PIM3: variants seen among roughly 807,000 people sequenced by gnomAD.
PIM3 encodes the protein Pim-3 proto-oncogene, serine/threonine kinase.
PIM3 carries 13 observed loss-of-function variants against 27.5 expected under a neutral mutation model. That is an observed-to-expected ratio of 0.47 (90% CI 0.31 to 0.75). The LOEUF (loss-of-function observed/expected upper bound fraction) is 0.75. Among genes scored for constraint, PIM3 ranks in the 30% least tolerant of loss-of-function variants. The pLI is 0.05. For missense variants in PIM3, 482 were observed against 476.9 expected (o/e 1.01, Z -0.10); for synonymous variants, 341 against 221.1 (o/e 1.54, Z -4.81).
chr22:49,961,804 C>T lies in PIM3; in HGVS notation c.609C>T (p.Asp203=). ...GALLKDTVYT[D]FDGTRVYSPP... Reference sequence around the variant, plus strand: ...TGCTCAAGGACACGGTCTACACCGACTTCGACGGTGAGCGCGGGCGCGGGG... The same window carrying T: ...TGCTCAAGGACACGGTCTACACCGATTTCGACGGTGAGCGCGGGCGCGGGG... Residue 203 remains aspartate (D), a synonymous_variant, in exon 4 of 6, where the codon GAC becomes GAT. Transcript: ENST00000360612. 2 of 1,609,428 alleles carry T rather than the reference C, an allele frequency of 1.2e-6. No homozygotes were observed. The highest frequency in any genetic ancestry group is 1.7e-6 in the Non-Finnish European group (2 of 1,178,368).
chr22:49,963,183 GC>G lies in PIM3; in HGVS notation c.*61del, dbSNP rs2060918453. 2.0e-6 allele frequency: 3 copies of G among 1,464,454 alleles called. No individual in the cohort carries two copies. The highest frequency in any genetic ancestry group is 9.1e-7 in the Non-Finnish European group (1 of 1,101,560). The allele number at this position is 1,464,454 out of a possible 1,614,324, so 90.7% of individuals were successfully genotyped here. A position where few individuals can be genotyped will look rare whatever the true frequency, so the allele number is the denominator to read the frequency against. On this transcript the variant is annotated 3_prime_UTR_variant, in exon 6 of 6. Coordinates refer to ENST00000360612, the MANE Select transcript of PIM3 (RefSeq NM_001001852.4). ...CACCTGCCTTGGCCAGACCTGGGAC[GC>G]CCCCAGACCCTGACTTTCTCCTGCG...
rs149755625 is a variant in PIM3, at chr22:49,962,784, A to T, written c.712A>T (p.Met238Leu). 358 of 1,612,636 alleles carry T rather than the reference A, an allele frequency of 2.2e-4. 3 individuals are homozygous for T. In the African/African-American group the frequency reaches 4.0e-3, roughly 18 times the overall value. ...GTCGCTGGGCGTGCTTCTCTACGAT[A>T]TGGTGTGTGGGGACATCCCCTTCGA... ...VWSLGVLLYD[M>L]VCGDIPFEQD... Residue 238 changes from methionine (M) to leucine (L), a missense_variant, in exon 5 of 6, where the codon ATG becomes TTG. Coordinates refer to ENST00000360612, the MANE Select transcript of PIM3 (RefSeq NM_001001852.4).
chr22:49,961,426 C>T lies in PIM3; in HGVS notation c.247-16C>T, dbSNP rs1162907563. On this transcript the variant is annotated splice_polypyrimidine_tract_variant and intron_variant, in intron 3 of 5. Coordinates refer to ENST00000360612, the MANE Select transcript of PIM3 (RefSeq NM_001001852.4). ...GGGGCGGGCGCGGGGCTTTTGCTGA[C>T]CGCCGTGTCCCCCAGGGCGGCGCGA... The T allele has an allele frequency of 8.5e-6, 12 of 1,413,536 alleles. No homozygotes were observed. Among genetic ancestry groups the T allele is most frequent in the African/African-American group, 1.5e-5 (1 of 65,962 alleles). 87.6% of individuals were successfully genotyped at this position (1,413,536 alleles called of 1,614,324 possible).
intron 4 of PIM3, 43 bp from the exon 5 acceptor site, chr22:49,962,646 C>T (rs1601871219): frequency 6.3e-7 from 1 of 1,577,632 alleles, no homozygotes; most frequent in South Asian, 1.2e-5. Flanking sequence ...TGTTGAGCGG[C>T]TCTGCCTCTG....
Position 49,963,823 on chromosome 22 carries a change from T to A in PIM3, c.*696T>A, listed in dbSNP as rs1286744249. On this transcript the variant is annotated 3_prime_UTR_variant, in exon 6 of 6. Transcript: ENST00000360612. ...TAGTGGCTAACTTAAGGGGAGTGGG[T>A]GACCCTGACACTTCCAGGCACTGTG... is the stretch of plus-strand genomic sequence containing the variant. 1 of 152,286 alleles carries A rather than the reference T, an allele frequency of 6.6e-6. No homozygotes were observed. Among genetic ancestry groups the A allele is most frequent in the Non-Finnish European group, 1.5e-5 (1 of 68,056 alleles). 9.4% of individuals were successfully genotyped at this position (152,286 alleles called of 1,614,324 possible). A position where few individuals can be genotyped will look rare whatever the true frequency, so the allele number is the denominator to read the frequency against.
In PIM3 at chr22:49,963,169, G is replaced by A. The variant is rs369326813; in HGVS notation, c.*42G>A. On this transcript the variant is annotated 3_prime_UTR_variant, in exon 6 of 6. Coordinates refer to ENST00000360612, the MANE Select transcript of PIM3 (RefSeq NM_001001852.4). ...GGGAGCTAGGGGACCACCTGCCTTG[G>A]CCAGACCTGGGACGCCCCCAGACCC... 1.2e-3 allele frequency: 1,759 copies of A among 1,506,488 alleles called. 2 individuals are homozygous for A. The highest frequency in any genetic ancestry group is 1.8e-3 in the Middle Eastern group (9 of 4,966). The allele number at this position is 1,506,488 out of a possible 1,614,324, so 93.3% of individuals were successfully genotyped here.
chr22:49,962,551 A>G (rs1278190536), intron 4 of PIM3, 138 bp from the exon 5 acceptor site: 39 of 925,122 alleles, frequency 4.2e-5, no homozygotes, highest in Non-Finnish European at 6.0e-5. Context: ...GGGTTTTTCC[A>G]GGGTGATGAC....
At chr22:49,962,283 C>G (rs1223535011) in intron 4 of PIM3, among the ~76,000 whole-genome samples, 1 of 151,708 alleles carries the variant, frequency 6.6e-6, no homozygotes, top group African/African-American at 2.4e-5. Context: ...CGGCAGAAAT[C>G]CCCGCATTGC....
chr22:49,962,321 C>T, intron 4 of PIM3, among the ~76,000 whole-genome samples: 1 of 147,010 alleles, frequency 6.8e-6, no homozygotes, highest in Non-Finnish European at 1.5e-5. Flanking sequence ...GGGCTCCCCG[C>T]CCGCCCCTCC....
intron 4 of PIM3, 85 bp downstream of exon 4, chr22:49,961,896 T>C: frequency 1.9e-6 from 3 of 1,554,276 alleles, no homozygotes; most frequent in Non-Finnish European, 2.6e-6. Context: ...GAGGGGCTGA[T>C]GACTGTTGGG....
At chr22:49,961,866 G>A (rs951684773) in intron 4 of PIM3, 55 bp downstream of exon 4, 3 of 1,592,818 alleles carry the variant, frequency 1.9e-6, no homozygotes, top group Admixed American at 3.5e-5. Flanking sequence ...GCGGGTTAAC[G>A]CCTGCAGGGG....
rs775149860 is a variant in PIM3 at position 49,961,737 on chromosome 22, G to C, written c.542G>C (p.Arg181Pro). ...GACGAAAATCTGCTTGTGGACCTGC[G>C]CTCCGGAGAGCTCAAGCTCATCGAC... ...IKDENLLVDLRSGELKLIDFG... is the reference protein window; with the variant it reads ...IKDENLLVDLPSGELKLIDFG... Residue 181 changes from arginine (R) to proline (P), a missense_variant, in exon 4 of 6, where the codon CGC (arginine) becomes CCC (proline). Physicochemically the swap from Arg to Pro is moderately radical, Grantham distance 103 (BLOSUM62 -2). Transcript: ENST00000360612. 6.2e-7 allele frequency: 1 copy of C among 1,611,300 alleles called. No individual in the cohort carries two copies. Among genetic ancestry groups the C allele is most frequent in the East Asian group, 2.2e-5 (1 of 44,742 alleles).
intron 1 of PIM3, 35 bp from the exon 2 acceptor site, chr22:49,961,090 C>T: frequency 2.1e-6 from 3 of 1,401,734 alleles, no homozygotes; most frequent in Non-Finnish European, 2.8e-6. Flanking sequence ...GGGGGCGCCC[C>T]GGGCCGCACC....
Position 49,962,990 on chromosome 22 carries a change from C to CCAGAG in PIM3, c.845_846insAGAGC (p.Ser283GlufsTer55). On this transcript the variant is annotated frameshift_variant, in exon 6 of 6. Coordinates refer to ENST00000360612, the MANE Select transcript of PIM3 (RefSeq NM_001001852.4). LOFTEE classifies it low-confidence loss of function (END_TRUNC). Reference sequence around the variant, plus strand: ...CCTGTCCCTGCGGCCCTCAGAGCGGCCGTCGCTGGATCAGATTGCGGCCCA... The same window carrying CCAGAG: ...CCTGTCCCTGCGGCCCTCAGAGCGGCCAGAGCGTCGCTGGATCAGATTGCGGCCCA... 4 of 1,610,964 alleles carry CCAGAG rather than the reference C, an allele frequency of 2.5e-6. No homozygotes were observed. The highest frequency in any genetic ancestry group is 3.4e-6 in the Non-Finnish European group (4 of 1,179,758).
At position 49,960,969 on chromosome 22, in the gene PIM3, T is replaced by C. The variant is rs1035116355; in HGVS notation, c.22T>C (p.Ser8Pro). 2.2e-6 allele frequency: 3 copies of C among 1,384,788 alleles called. No homozygotes were observed. The highest frequency in any genetic ancestry group is 1.5e-5 in the African/African-American group (1 of 66,728). 85.8% of individuals were successfully genotyped at this position (1,384,788 alleles called of 1,614,324 possible). Residue 8 changes from serine to proline, a missense_variant, in exon 1 of 6, where the codon TCC becomes CCC. Coordinates refer to ENST00000360612, the MANE Select transcript of PIM3 (RefSeq NM_001001852.4). MLLSKFG[S>P]LAHLCGPGGV... ...CGCGATGCTGCTCTCCAAGTTCGGC[T>C]CCCTGGCGCACCTCTGCGGGCCCGG...
chr22:49,960,969 TC>T lies in PIM3; in HGVS notation c.25del (p.Leu9TrpfsTer15), dbSNP rs1287556227. On this transcript the variant is annotated frameshift_variant, in exon 1 of 6. Coordinates refer to ENST00000360612, the MANE Select transcript of PIM3 (RefSeq NM_001001852.4). LOFTEE classifies it high-confidence loss of function. Reference protein sequence around the residue: MLLSKFGSLAHLCGPGGV... With the variant: MLLSKFGXLAHLCGPGGV... ...CGCGATGCTGCTCTCCAAGTTCGGC[TC>T]CCTGGCGCACCTCTGCGGGCCCGGC... 7.2e-7 allele frequency: 1 copy of T among 1,384,890 alleles called. No individual in the cohort carries two copies. Among genetic ancestry groups the T allele is most frequent in the South Asian group, 1.5e-5 (1 of 68,834 alleles). The allele number at this position is 1,384,890 out of a possible 1,614,324, so 85.8% of individuals were successfully genotyped here.
chr22:49,960,999 G>A lies in PIM3; in HGVS notation c.52G>A (p.Val18Met), dbSNP rs2060902979. 4.3e-6 allele frequency: 6 copies of A among 1,394,328 alleles called. No individual in the cohort carries two copies. Among genetic ancestry groups the A allele is most frequent in the Non-Finnish European group, 5.6e-6 (6 of 1,064,828 alleles). 86.4% of individuals were successfully genotyped at this position (1,394,328 alleles called of 1,614,324 possible). Residue 18 changes from valine to methionine, a missense_variant, in exon 1 of 6, where the codon GTG (valine) becomes ATG (methionine). By Grantham distance (21) the Val-to-Met change is conservative. Coordinates refer to ENST00000360612, the MANE Select transcript of PIM3 (RefSeq NM_001001852.4). ...SLAHLCGPGG[V>M]DHLPVKILQP... The stretch of plus-strand genomic sequence containing the variant: ...GGCGCACCTCTGCGGGCCCGGCGGC[G>A]TGGACCACCTCCCGGTGAAGATCCT...
At position 49,963,076 on chromosome 22, in the gene PIM3, C is replaced by G. The variant is rs1304857696; in HGVS notation, c.930C>G (p.Thr310=). 7 of 1,611,434 alleles carry G rather than the reference C, an allele frequency of 4.3e-6. No individual in the cohort carries two copies. Among genetic ancestry groups the G allele is most frequent in the Non-Finnish European group, 5.9e-6 (7 of 1,179,434 alleles). The change falls in exon 6 of 6, where the codon ACC becomes ACG. Residue 310 remains threonine, a synonymous_variant. Coordinates refer to ENST00000360612, the MANE Select transcript of PIM3 (RefSeq NM_001001852.4). ...AGAGCTGTGACCTGCGGCTGTGCACCCTCGACCCTGATGACGTGGCCAGCA... is the reference window on the plus strand; with the variant it reads ...AGAGCTGTGACCTGCGGCTGTGCACGCTCGACCCTGATGACGTGGCCAGCA... ...VPESCDLRLC[T]LDPDDVASTT...
Position 49,961,431 on chromosome 22 carries a change from G to A in PIM3, c.247-11G>A. 4.2e-6 allele frequency: 6 copies of A among 1,418,654 alleles called. No individual in the cohort carries two copies. The highest frequency in any genetic ancestry group is 5.5e-6 in the Non-Finnish European group (6 of 1,090,482). 87.9% of individuals were successfully genotyped at this position (1,418,654 alleles called of 1,614,324 possible). A position where few individuals can be genotyped will look rare whatever the true frequency, so the allele number is the denominator to read the frequency against. On this transcript the variant is annotated splice_polypyrimidine_tract_variant and intron_variant, in intron 3 of 5. Transcript: ENST00000360612. ...GGGCGCGGGGCTTTTGCTGACCGCC[G>A]TGTCCCCCAGGGCGGCGCGACCGTG...
Sources: allele counts gnomAD v4.1 joint callset (sites outside exome capture counted in the v4.1 genomes callset), GRCh38; gene constraint gnomAD v4.1.1; transcripts MANE v1.5; gene names NCBI Gene and HGNC (gene_info 2026-07-23, HGNC 2026-07-21).